Variants in PCDHGA8 observed in about 807,000 individuals in gnomAD.
PCDHGA8 encodes protocadherin gamma subfamily A, 8.
A neutral mutation model predicts 59.2 loss-of-function variants in PCDHGA8; 45 were observed. The ratio of observed to expected loss-of-function variants is 0.76; its 90% CI spans 0.60 to 0.98. PCDHGA8 has a LOEUF of 0.98. PCDHGA8 is among the 50% of genes least tolerant of loss of function. The probability of loss-of-function intolerance (pLI) is 0.00; values close to 1 mark genes in which losing one functional copy is unlikely to be tolerated. For missense variants in PCDHGA8, 1,257 were observed against 1,196.2 expected (o/e 1.05, Z -0.75); for synonymous variants, 531 against 519.0 (o/e 1.02, Z -0.32).
intron 1 of PCDHGA8, chr5:141,421,475 G>A (rs752558543): frequency 4.3e-6 from 7 of 1,614,150 alleles, no homozygotes. Flanking sequence ...CCGCGAAGCG[G>A]CAGCTTGATC....
chr5:141,432,918 A>C lies in PCDHGA8; in HGVS notation c.2424+37681A>C. ...CTGGCGCTCAGGCTGCGGCGCTGGC[A>C]CAAGTCACGCCTGCTGCAGGCTTCA... On this transcript the variant is annotated intron_variant, in intron 1 of 3. Coordinates refer to ENST00000398604, the MANE Select transcript of PCDHGA8 (RefSeq NM_032088.2). This position sits in a 1 kb window ranked among gnomAD's most constrained non-coding sequence, Gnocchi z 6.0. 1 of 1,614,128 alleles carries C rather than the reference A, an allele frequency of 6.2e-7. No homozygotes were observed. Among genetic ancestry groups the C allele is most frequent in the South Asian group, 1.1e-5 (1 of 91,082 alleles).
At chr5:141,413,445 C>G (rs764464917) in intron 1 of PCDHGA8, 105 of 1,613,986 alleles carry the variant, frequency 6.5e-5, no homozygotes, top group Non-Finnish European at 8.5e-5. Context: ...GCTTGATCAC[C>G]GCGGGCAGGA....
intron 1 of PCDHGA8, chr5:141,415,563 T>G: frequency 1.2e-6 from 2 of 1,614,168 alleles, no homozygotes; most frequent in Non-Finnish European, 1.7e-6. Flanking sequence ...ATCCTTTGTC[T>G]TTGTTAGATG....
At chr5:141,414,570 C>T in intron 1 of PCDHGA8, 1 of 1,613,980 alleles carries the variant, frequency 6.2e-7, no homozygotes. Context: ...TTACCTATAT[C>T]CCAGAGAACA....
chr5:141,392,750 G>A lies in PCDHGA8; in HGVS notation c.-64G>A, dbSNP rs561923783. On this transcript the variant is annotated 5_prime_UTR_variant, in exon 1 of 4. Coordinates refer to ENST00000398604, the MANE Select transcript of PCDHGA8 (RefSeq NM_032088.2). ...ATTGTCATCTCCATAGCTGCGGCAAGAAACTAAATAAGACCCATTTATGCA... is the reference window on the plus strand; with the variant it reads ...ATTGTCATCTCCATAGCTGCGGCAAAAAACTAAATAAGACCCATTTATGCA... 25 of 1,451,824 alleles carry A rather than the reference G, an allele frequency of 1.7e-5. No homozygotes were observed. In the Admixed American group the frequency reaches 4.2e-4, roughly 24 times the overall value. The allele number at this position is 1,451,824 out of a possible 1,614,324, so 89.9% of individuals were successfully genotyped here.
rs201372696 is a variant in PCDHGA8, at chr5:141,400,469, C to T, written c.2424+5232C>T. On this transcript the variant is annotated intron_variant, in intron 1 of 3. Coordinates refer to ENST00000398604, the MANE Select transcript of PCDHGA8 (RefSeq NM_032088.2). ...CAAGACATACTTTGTGGTGATTCATCTGGGGCCTTATTTCCACTTTGTAAT... is the reference window on the plus strand; with the variant it reads ...CAAGACATACTTTGTGGTGATTCATTTGGGGCCTTATTTCCACTTTGTAAT... 15 of 1,613,944 alleles carry T rather than the reference C, an allele frequency of 9.3e-6. No individual in the cohort carries two copies. The African/African-American group carries it at 1.9e-4, about 20-fold the overall frequency.
chr5:141,439,118 G>A (rs1293542421), intron 1 of PCDHGA8, among the ~76,000 whole-genome samples: 3 of 151,390 alleles, frequency 2.0e-5, no homozygotes, highest in Non-Finnish European at 4.4e-5. Flanking sequence ...ACTTGAACCC[G>A]GGAGACAGAG....
chr5:141,509,199 GTCTC>G (rs1017134758), intron 3 of PCDHGA8, among the ~76,000 whole-genome samples: 4 of 152,070 alleles, frequency 2.6e-5, no homozygotes, highest in Admixed American at 2.0e-4. Context: ...AATATTTCCT[GTCTC>G]TCTATTTCTC....
intron 1 of PCDHGA8, among the ~76,000 whole-genome samples, chr5:141,470,504 G>A (rs914828244): frequency 6.6e-6 from 1 of 152,114 alleles, no homozygotes; most frequent in Admixed American, 6.6e-5. Flanking sequence ...TAGGTAATTA[G>A]ACAGTTAGCT....
rs1488305057 is a variant in PCDHGA8, at chr5:141,477,736, C to A, written c.2425-17071C>A. ...AATTTGAATTAACAGCTCATATCAG[C>A]GATGGGGGCACCCCGGTCCTAGCCA... On this transcript the variant is annotated intron_variant, in intron 1 of 3. Transcript: ENST00000398604. This position sits in a 1 kb window ranked among gnomAD's most constrained non-coding sequence, Gnocchi z 4.9. The A allele has an allele frequency of 6.2e-7, 1 of 1,613,790 alleles. No homozygotes were observed. Among genetic ancestry groups the A allele is most frequent in the Non-Finnish European group, 8.5e-7 (1 of 1,180,024 alleles).
At position 141,490,376 on chromosome 5, in the gene PCDHGA8, CA is replaced by C; in HGVS notation, c.2425-4430del. 1 of 1,614,184 alleles carries C rather than the reference CA, an allele frequency of 6.2e-7. No individual in the cohort carries two copies. Among genetic ancestry groups the C allele is most frequent in the African/African-American group, 1.3e-5 (1 of 75,030 alleles). On this transcript the variant is annotated intron_variant, in intron 1 of 3. Coordinates refer to ENST00000398604, the MANE Select transcript of PCDHGA8 (RefSeq NM_032088.2). This position sits in a 1 kb window ranked among gnomAD's most constrained non-coding sequence, Gnocchi z 5.4. ...TTGTTTAATGTGCGAGACCGGGACTCAGGTAGAAATGGTGAAGTGAGCCTTG... is the reference window on the plus strand; with the variant it reads ...TTGTTTAATGTGCGAGACCGGGACTCGGTAGAAATGGTGAAGTGAGCCTTG...
intron 1 of PCDHGA8, among the ~76,000 whole-genome samples, chr5:141,449,561 C>T (rs777459619): frequency 2.7e-4 from 39 of 147,008 alleles, no homozygotes; most frequent in Non-Finnish European, 4.6e-4. Flanking sequence ...TGCACTCCAG[C>T]CTGGGCGACA....
intron 1 of PCDHGA8, chr5:141,398,612 T>C (rs756084003): frequency 2.5e-6 from 4 of 1,614,024 alleles, no homozygotes; most frequent in East Asian, 2.2e-5. Flanking sequence ...GATGCAGATA[T>C]TGGCTTAAAC....
intron 1 of PCDHGA8, chr5:141,417,708 G>C (rs1028054307): frequency 1.2e-4 from 152 of 1,227,878 alleles, no homozygotes; most frequent in East Asian, 4.9e-4. Context: ...CCACACAGAG[G>C]CTCCCGGCTG....
intron 1 of PCDHGA8, among the ~76,000 whole-genome samples, chr5:141,429,706 T>G (rs191069331): frequency 7.6e-4 from 116 of 152,354 alleles, no homozygotes; most frequent in African/African-American, 2.5e-3. Flanking sequence ...ACAGTATAAA[T>G]ATTTACGCTC....
chr5:141,395,558 G>C (rs60237573), intron 1 of PCDHGA8: 1 of 127,872 alleles, frequency 7.8e-6, no homozygotes, highest in Non-Finnish European at 1.4e-5. Flanking sequence ...GTGTGTGTGT[G>C]TGTGTGTGTG....
intron 1 of PCDHGA8, chr5:141,419,226 C>T (rs560904796): frequency 1.9e-6 from 3 of 1,614,006 alleles, no homozygotes; most frequent in East Asian, 2.2e-5. Context: ...GGACAGTCAG[C>T]CTACCTGGTC....
chr5:141,437,371 A>C (rs887976412), intron 1 of PCDHGA8, among the ~76,000 whole-genome samples: 1 of 152,262 alleles, frequency 6.6e-6, no homozygotes, highest in African/African-American at 2.4e-5. Context: ...GAATGTAATC[A>C]GTCAGAAGAC....
chr5:141,421,078 C>T (rs11575964), intron 1 of PCDHGA8: 20,754 of 627,892 alleles, frequency 0.033, 387 homozygotes, highest in Middle Eastern at 0.088. Context: ...GAGATGGATA[C>T]TCACAGATCC....
Sources: gnomAD v4.1 joint callset for allele counts (sites outside exome capture counted in the v4.1 genomes callset) on GRCh38, gnomAD v4.1.1 for gene constraint, Gnocchi (gnomAD v3.1) non-coding constraint, MANE v1.5 for transcripts, NCBI Gene and HGNC (gene_info 2026-07-23, HGNC 2026-07-21) for gene names.